RMDN2: variants seen among roughly 807,000 people sequenced by gnomAD.
RMDN2 encodes regulator of microtubule dynamics protein 2.
In RMDN2, 61 loss-of-function variants were observed where a neutral mutation model predicts 52.8. The observed-to-expected ratio is 1.16, with a 90% confidence interval of 0.94 to 1.43. RMDN2 has a LOEUF of 1.43. Ranked by LOEUF, RMDN2 falls within the 40% of genes most tolerant of loss-of-function variation. RMDN2 has a pLI of 0.00. For missense variants in RMDN2, 592 were observed against 475.3 expected, an observed-to-expected ratio of 1.25 and a Z score of -2.28; for synonymous variants, 180 against 153.1, an observed-to-expected ratio of 1.18 and a Z score of -1.30.
rs752528749 is a variant in RMDN2, at chr2:37,974,222, A to T, written c.627+8A>T. On this transcript the variant is annotated splice_region_variant and intron_variant, in intron 3 of 10. Transcript: ENST00000354545. ...CGTGACCACAAAGAAAAGGTAAGAG[A>T]CATAACAATAGCACTTCGTATAGTT... The T allele has an allele frequency of 1.2e-6, 2 of 1,600,778 alleles. No individual in the cohort carries two copies. Among genetic ancestry groups the T allele is most frequent in the South Asian group, 2.2e-5 (2 of 89,618 alleles).
chr2:38,018,308 C>G (rs1030628715), downstream of RMDN2, among the ~76,000 whole-genome samples: 1 of 152,040 alleles, frequency 6.6e-6, no homozygotes, highest in African/African-American at 2.4e-5. Context: ...CACTTGGGTA[C>G]ATTAAATATG....
At chr2:38,054,965 T>G (rs1681798263) in intron 10 of RMDN2, among the ~76,000 whole-genome samples, 1 of 152,234 alleles carries the variant, frequency 6.6e-6, no homozygotes, top group Non-Finnish European at 1.5e-5. Context: ...GTTATATTTG[T>G]AAAACTAATA....
intron 2 of RMDN2, among the ~76,000 whole-genome samples, chr2:37,971,550 T>C (rs1201412532): frequency 6.6e-6 from 1 of 152,190 alleles, no homozygotes; most frequent in Non-Finnish European, 1.5e-5. Flanking sequence ...TTTTTAAAAA[T>C]ATAAGGTAGA....
chr2:38,005,395 T>G (rs1482836270), intron 10 of RMDN2, among the ~76,000 whole-genome samples: 2 of 152,224 alleles, frequency 1.3e-5, no homozygotes, highest in Non-Finnish European at 2.9e-5. Context: ...ATTGCCATTC[T>G]AACTGGTGTG....
chr2:38,041,183 C>T (rs1271055938), intron 10 of RMDN2, among the ~76,000 whole-genome samples: 3 of 152,086 alleles, frequency 2.0e-5, no homozygotes, highest in African/African-American at 7.2e-5. Flanking sequence ...TCAGGCCTTG[C>T]TATAAGAATT....
chr2:38,012,325 C>G (rs1678116378), intron 10 of RMDN2, among the ~76,000 whole-genome samples: 1 of 152,218 alleles, frequency 6.6e-6, no homozygotes, highest in Admixed American at 6.5e-5. Flanking sequence ...GTTATTATGT[C>G]ATTATTAATG....
At chr2:37,940,069 C>T (rs1244099803) in intron 2 of RMDN2, among the ~76,000 whole-genome samples, 2 of 152,150 alleles carry the variant, frequency 1.3e-5, no homozygotes, top group East Asian at 1.9e-4. Flanking sequence ...TCTTGTAAGG[C>T]AGGCCTGGTG....
At chr2:37,978,305 C>T (rs1378170280) in intron 4 of RMDN2, among the ~76,000 whole-genome samples, 1 of 113,664 alleles carries the variant, frequency 8.8e-6, no homozygotes, top group Non-Finnish European at 1.7e-5. Flanking sequence ...CAGAGGGAGA[C>T]CGTGCAAAGG....
In RMDN2 at chr2:37,936,146, G is replaced by A. The variant is rs80320037; in HGVS notation, c.452+6417G>A. ...CTCCCAGTTATAGTGAGAACATGCA[G>A]TGTTTGGTTTTCTGTTCCTGTGTTA... On this transcript the variant is annotated intron_variant, in intron 2 of 10. Coordinates refer to ENST00000354545, the MANE Select transcript of RMDN2 (RefSeq NM_001170791.3). Among the ~76,000 whole-genome samples the A allele has an allele frequency of 1.4e-3, 216 of 152,302 alleles. 4 individuals are homozygous for A. The East Asian group carries it at 0.036, about 26-fold the overall frequency.
chr2:38,019,514 G>C (rs752506104), downstream of RMDN2, among the ~76,000 whole-genome samples: 3 of 152,162 alleles, frequency 2.0e-5, no homozygotes, highest in African/African-American at 7.2e-5. Flanking sequence ...TAGAGAATTA[G>C]GAGTTTCTGA....
Position 37,988,715 on chromosome 2 carries a change from A to G in RMDN2, c.792-826A>G, listed in dbSNP as rs374652959. 3.9e-5 allele frequency among the ~76,000 whole-genome samples: 6 copies of G among 152,368 alleles called. No homozygotes were observed. The South Asian group carries it at 1.2e-3, about 32-fold the overall frequency. The stretch of plus-strand genomic sequence containing the variant: ...TAACACCTACTCGAAATATTTAAGT[A>G]AATGGATATTTTACCTTAGACAAAA... On this transcript the variant is annotated intron_variant, in intron 5 of 10. Coordinates refer to ENST00000354545, the MANE Select transcript of RMDN2 (RefSeq NM_001170791.3).
At chr2:38,032,576 A>G (rs970989925) in intron 10 of RMDN2, among the ~76,000 whole-genome samples, 1 of 152,248 alleles carries the variant, frequency 6.6e-6, no homozygotes, top group African/African-American at 2.4e-5. Context: ...ACAGTGGCTC[A>G]TGCCTGTAAT....
intron 10 of RMDN2, among the ~76,000 whole-genome samples, chr2:38,010,429 C>G (rs945764956): frequency 1.3e-5 from 2 of 152,230 alleles, no homozygotes; most frequent in East Asian, 1.9e-4. Context: ...CCTCCCCCAG[C>G]CTTGCTGCTG....
chr2:38,000,882 G>C (rs754332836), intron 8 of RMDN2, among the ~76,000 whole-genome samples: 2 of 152,170 alleles, frequency 1.3e-5, no homozygotes, highest in African/African-American at 4.8e-5. Context: ...GTGTCATATG[G>C]TATGTGCTTT....
intron 2 of RMDN2, among the ~76,000 whole-genome samples, chr2:37,953,512 T>C (rs1043364820): frequency 1.3e-5 from 2 of 152,086 alleles, no homozygotes; most frequent in African/African-American, 4.8e-5. Flanking sequence ...TTACAGCATA[T>C]GTCAGAATGT....
intron 10 of RMDN2, among the ~76,000 whole-genome samples, chr2:38,064,270 C>T (rs367710088): frequency 3.9e-5 from 6 of 152,158 alleles, no homozygotes; most frequent in African/African-American, 1.2e-4. Flanking sequence ...GAGTCCGAGG[C>T]GGGTAGATCA....
intron 10 of RMDN2, among the ~76,000 whole-genome samples, chr2:38,041,300 A>G (rs1182123958): frequency 6.6e-6 from 1 of 150,434 alleles, no homozygotes; most frequent in Admixed American, 6.6e-5. Flanking sequence ...TTCCTCCTTG[A>G]TTTTTTCCTG....
chr2:37,925,547 C>A (rs532710917), intron 1 of RMDN2, 122 bp downstream of exon 1: 1 of 152,456 alleles, frequency 6.6e-6, no homozygotes, highest in East Asian at 1.9e-4. Flanking sequence ...CGGTGTGTCC[C>A]TGGCGAAGCT....
intron 2 of RMDN2, among the ~76,000 whole-genome samples, chr2:37,957,870 C>T (rs1669684161): frequency 6.6e-6 from 1 of 152,150 alleles, no homozygotes; most frequent in African/African-American, 2.4e-5. Context: ...ATATGGCTAG[C>T]CAGTTTTCCC....
Sources: allele counts gnomAD v4.1 joint callset (sites outside exome capture counted in the v4.1 genomes callset), GRCh38; gene constraint gnomAD v4.1.1; transcripts MANE v1.5; gene names NCBI Gene and HGNC (gene_info 2026-07-23, HGNC 2026-07-21).